The following ANLN variants were observed in gnomAD, a reference collection of about 807,000 sequenced individuals.
ANLN encodes the protein anillin, actin binding protein, also known as anillin.
A neutral mutation model predicts 135.1 loss-of-function variants in ANLN; 59 were observed. The observed-to-expected ratio is 0.44, with a 90% CI of 0.35 to 0.54. The LOEUF is 0.54. ANLN is among the 20% of genes least tolerant of loss of function. The pLI is 0.00. For missense variants in ANLN, 1,182 were observed against 1,340.0 expected (o/e 0.88, Z 1.84); for synonymous variants, 406 against 456.4 (o/e 0.89, Z 1.41).
chr7:36,404,644 A>G (rs1164513266), intron 3 of ANLN, among the ~76,000 whole-genome samples: 1 of 152,174 alleles, frequency 6.6e-6, no homozygotes, highest in African/African-American at 2.4e-5. Context: ...TTTTGACTTC[A>G]AGAAAGCACT....
intron 12 of ANLN, among the ~76,000 whole-genome samples, chr7:36,421,600 G>A (rs1209118748): frequency 5.3e-5 from 8 of 152,012 alleles, no homozygotes; most frequent in Admixed American, 5.2e-4. Context: ...CTACGTTGTT[G>A]GATGTAACCC....
In ANLN at chr7:36,420,706, G is replaced by T; in HGVS notation, c.2125G>T (p.Ala709Ser). 6.2e-7 allele frequency: 1 copy of T among 1,614,006 alleles called. No homozygotes were observed. The highest frequency in any genetic ancestry group is 2.2e-5 in the East Asian group (1 of 44,860). Residue 709 changes from alanine to serine, a missense_variant, in exon 12 of 24, where the codon GCC (alanine) becomes TCC (serine). Around this residue, in one of 3 missense-constraint regions of ANLN, gnomAD observed 1,022 missense variants for 1,134.0 expected, o/e 0.90. Transcript: ENST00000265748. ...VTSKLDEKNNAFPCQVNIKQK... is the reference protein window; with the variant it reads ...VTSKLDEKNNSFPCQVNIKQK... ...TTCAAAACTGGATGAAAAAAATAAT[G>T]CCTTTCCTTGTCAAGTTAATATCAA... is the stretch of plus-strand genomic sequence containing the variant.
chr7:36,402,604 G>A (rs10235888), intron 3 of ANLN, among the ~76,000 whole-genome samples: 250 of 152,006 alleles, frequency 1.6e-3, no homozygotes, highest in African/African-American at 5.9e-3. Flanking sequence ...TTTTTCAAAC[G>A]TATCTCTCTA....
intron 20 of ANLN, among the ~76,000 whole-genome samples, chr7:36,433,665 T>A (rs1255870302): frequency 6.6e-6 from 1 of 152,188 alleles, no homozygotes; most frequent in African/African-American, 2.4e-5. Flanking sequence ...TAATGTAGAC[T>A]ATTGACTATT....
chr7:36,437,353 C>T (rs932341397), intron 20 of ANLN, among the ~76,000 whole-genome samples: 1 of 152,240 alleles, frequency 6.6e-6, no homozygotes, highest in African/African-American at 2.4e-5. Context: ...CATGTTGTAG[C>T]ATATGACAGG....
chr7:36,414,680 G>A (rs188093898), intron 7 of ANLN, among the ~76,000 whole-genome samples: 9 of 152,194 alleles, frequency 5.9e-5, no homozygotes, highest in African/African-American at 1.2e-4. Flanking sequence ...CCATTTGATC[G>A]TTTACTTTGC....
chr7:36,434,689 C>T (rs1334786982), intron 20 of ANLN, among the ~76,000 whole-genome samples: 1 of 152,028 alleles, frequency 6.6e-6, no homozygotes, highest in African/African-American at 2.4e-5. Flanking sequence ...CATGATGAAA[C>T]CCCATCTCTA....
At chr7:36,401,217 T>C (rs1786931910) in intron 3 of ANLN, among the ~76,000 whole-genome samples, 1 of 152,256 alleles carries the variant, frequency 6.6e-6, no homozygotes, top group South Asian at 2.1e-4. Flanking sequence ...ATCTTCATTT[T>C]ATAGAAGAAG....
chr7:36,433,392 A>G (rs1031299800), intron 20 of ANLN, among the ~76,000 whole-genome samples: 2 of 152,162 alleles, frequency 1.3e-5, no homozygotes, highest in Non-Finnish European at 2.9e-5. Flanking sequence ...TCAATTCTTT[A>G]AAGTTGTTAA....
intron 21 of ANLN, among the ~76,000 whole-genome samples, chr7:36,441,537 G>A (rs1487542215): frequency 6.6e-6 from 1 of 152,232 alleles, no homozygotes; most frequent in Non-Finnish European, 1.5e-5. Flanking sequence ...AGACAGGTAA[G>A]TGGTTCTGAC....
intron 22 of ANLN, among the ~76,000 whole-genome samples, chr7:36,448,587 C>G (rs1033192404): frequency 1.3e-5 from 2 of 152,170 alleles, no homozygotes; most frequent in African/African-American, 2.4e-5. Context: ...TTCATTCTCC[C>G]TTGCTCATTG....
intron 7 of ANLN, among the ~76,000 whole-genome samples, chr7:36,411,520 G>A (rs1787412351): frequency 6.6e-6 from 1 of 152,136 alleles, no homozygotes; most frequent in Non-Finnish European, 1.5e-5. Flanking sequence ...CCTTTCCCCA[G>A]ATACCATGTC....
At chr7:36,412,473 C>A (rs1787464861) in intron 7 of ANLN, among the ~76,000 whole-genome samples, 1 of 151,650 alleles carries the variant, frequency 6.6e-6, no homozygotes, top group Non-Finnish European at 1.5e-5. Flanking sequence ...GGATTACAGG[C>A]ATGCGCCACC....
At position 36,449,680 on chromosome 7, in the gene ANLN, A is replaced by G. The variant is rs2116835012; in HGVS notation, c.3094A>G (p.Ile1032Val). Residue 1032 changes from isoleucine (I) to valine (V), a missense_variant, in exon 23 of 24, where the codon ATA (isoleucine) becomes GTA (valine). Transcript: ENST00000265748. ...DEKRKNPIGR[I>V]NLANCTSRQI... The stretch of plus-strand genomic sequence containing the variant: ...GTTTTTAAAGAATCCCATAGGAAGG[A>G]TAAATCTGGCTAATTGTACCAGTCG... 6.2e-7 allele frequency: 1 copy of G among 1,613,008 alleles called. No individual in the cohort carries two copies. The highest frequency in any genetic ancestry group is 1.3e-5 in the African/African-American group (1 of 75,008).
At chr7:36,426,781 A>G in intron 19 of ANLN, 135 bp from the exon 20 acceptor site, 1 of 474,510 alleles carries the variant, frequency 2.1e-6, no homozygotes. Flanking sequence ...CCACATTTAA[A>G]GATGAAGGAA....
chr7:36,437,124 C>T (rs186626789), intron 20 of ANLN, among the ~76,000 whole-genome samples: 4 of 152,260 alleles, frequency 2.6e-5, no homozygotes, highest in African/African-American at 7.2e-5. Flanking sequence ...ATTCTGTACT[C>T]GTGGAACTGC....
At chr7:36,409,093 G>T (rs764081263) in intron 5 of ANLN, among the ~76,000 whole-genome samples, 2 of 152,194 alleles carry the variant, frequency 1.3e-5, no homozygotes, top group Non-Finnish European at 2.9e-5. Context: ...ATGAGAATTG[G>T]AAACAATAGC....
At position 36,399,241 on chromosome 7, in the gene ANLN, C is replaced by T; in HGVS notation, c.335C>T (p.Thr112Ile). 1 of 1,614,172 alleles carries T rather than the reference C, an allele frequency of 6.2e-7. No homozygotes were observed. Among genetic ancestry groups the T allele is most frequent in the Non-Finnish European group, 8.5e-7 (1 of 1,180,024 alleles). ...SPQVQPQAAD[T>I]ISDSVAVPAS... ...CAGGTGCAGCCACAAGCAGCAGATA[C>T]CATCAGTGATTCTGTTGCTGTCCCG... Residue 112 changes from threonine to isoleucine, a missense_variant, in exon 3 of 24, where the codon ACC (threonine) becomes ATC (isoleucine). Physicochemically the swap from Thr to Ile is moderately conservative, Grantham distance 89. Around this residue, in one of 3 missense-constraint regions of ANLN, gnomAD observed 1,022 missense variants for 1,134.0 expected, o/e 0.90. Coordinates refer to ENST00000265748, the MANE Select transcript of ANLN (RefSeq NM_018685.5).
chr7:36,421,097 G>A (rs1787857573), intron 12 of ANLN, among the ~76,000 whole-genome samples: 1 of 149,742 alleles, frequency 6.7e-6, no homozygotes, highest in South Asian at 2.1e-4. Flanking sequence ...ACAGCATTTT[G>A]CTCTTTGTTG....
Sources: allele counts gnomAD v4.1 joint callset (sites outside exome capture counted in the v4.1 genomes callset), GRCh38; gene constraint gnomAD v4.1.1; regional missense constraint gnomAD v4.1.1; transcripts MANE v1.5; gene names NCBI Gene and HGNC (gene_info 2026-07-23, HGNC 2026-07-21).